HMGCS2: variants seen among roughly 807,000 people sequenced by gnomAD.
HMGCS2 encodes hydroxymethylglutaryl-CoA synthase, mitochondrial.
Under a neutral mutation model 57.4 loss-of-function variants are expected in HMGCS2, and 50 were observed. The ratio of observed to expected loss-of-function variants is 0.87; its 90% CI spans 0.69 to 1.10. The LOEUF (loss-of-function observed/expected upper bound fraction) is 1.10, where lower values mean the gene tolerates loss of function less well. HMGCS2 is among the 50% of genes least tolerant of loss of function. HMGCS2 has a pLI of 0.00. For synonymous variants in HMGCS2, 254 were observed against 245.1 expected (o/e 1.04, Z -0.34); for missense variants, 627 against 636.5 (o/e 0.99, Z 0.16).
chr1:119,764,084 G>A, intron 2 of HMGCS2, 88 bp downstream of exon 2: 1 of 1,120,814 alleles, frequency 8.9e-7, no homozygotes. Flanking sequence ...ACTAGATGAA[G>A]CCACCTGGGG....
At chr1:119,762,234 T>G (rs887451832) in intron 2 of HMGCS2, among the ~76,000 whole-genome samples, 3 of 152,162 alleles carry the variant, frequency 2.0e-5, no homozygotes, top group African/African-American at 7.2e-5. Flanking sequence ...CTCTAAGACC[T>G]AAGAGATGAG....
intron 1 of HMGCS2, among the ~76,000 whole-genome samples, chr1:119,766,535 C>T (rs2843019): frequency 0.4 from 60,820 of 152,116 alleles, 13,306 homozygotes; most frequent in South Asian, 0.56. Context: ...ATGATAAATA[C>T]ACATTATATC....
Position 119,755,588 on chromosome 1 carries a change from C to A in HMGCS2, c.1026G>T (p.Lys342Asn), listed in dbSNP as rs1652810178. ...YKGLEAFGGLKLEDTYTNKDL... is the reference protein window; with the variant it reads ...YKGLEAFGGLNLEDTYTNKDL... ...CCTTGTTGGTGTAGGTGTCTTCCAGCTTTAGCCCCCTGTGAGGTAGCCAGA... is the reference window on the plus strand; with the variant it reads ...CCTTGTTGGTGTAGGTGTCTTCCAGATTTAGCCCCCTGTGAGGTAGCCAGA... Residue 342 changes from lysine (K) to asparagine (N), a missense_variant, in exon 6 of 10, where the codon AAG becomes AAT. By Grantham distance (94) the Lys-to-Asn change is moderately conservative. Coordinates refer to ENST00000369406, the MANE Select transcript of HMGCS2 (RefSeq NM_005518.4). 1 of 1,613,954 alleles carries A rather than the reference C, an allele frequency of 6.2e-7. No homozygotes were observed. Among genetic ancestry groups the A allele is most frequent in the Non-Finnish European group, 8.5e-7 (1 of 1,180,000 alleles).
In HMGCS2 at chr1:119,750,815, C is replaced by G; in HGVS notation, c.1514G>C (p.Arg505Pro). The G allele has an allele frequency of 1.9e-6, 3 of 1,613,072 alleles. No homozygotes were observed. Among genetic ancestry groups the G allele is most frequent in the Non-Finnish European group, 2.5e-6 (3 of 1,179,174 alleles). ...VDEQHRRKYA[R>P]RPV The stretch of plus-strand genomic sequence containing the variant: ...CACTCACCACCTTTAGACGGGACGC[C>G]GGGCATACTTTCGGCGATGCTGCTC... The change falls in exon 9 of 10, where the codon CGG becomes CCG. Residue 505 changes from arginine to proline, a missense_variant. Arg to Pro is a moderately radical substitution (Grantham distance 103). Coordinates refer to ENST00000369406, the MANE Select transcript of HMGCS2 (RefSeq NM_005518.4).
At chr1:119,758,341 C>T (rs1652921726) in intron 4 of HMGCS2, among the ~76,000 whole-genome samples, 1 of 152,228 alleles carries the variant, frequency 6.6e-6, no homozygotes. Context: ...CAAGCAATTT[C>T]CCCCATCTCA....
chr1:119,757,596 G>A (rs587650020), intron 4 of HMGCS2, among the ~76,000 whole-genome samples, 158 bp from the exon 5 acceptor site: 2 of 152,258 alleles, frequency 1.3e-5, no homozygotes, highest in South Asian at 2.1e-4. Flanking sequence ...CATTTTACAT[G>A]CACTTACTAA....
At chr1:119,757,080 C>A (rs995087156) in intron 5 of HMGCS2, among the ~76,000 whole-genome samples, 193 bp downstream of exon 5, 26 of 152,168 alleles carry the variant, frequency 1.7e-4, no homozygotes, top group Non-Finnish European at 2.8e-4. Flanking sequence ...TGTTTCCCTG[C>A]AATAACTCAT....
At chr1:119,753,182 C>G (rs1652718631) in intron 7 of HMGCS2, 98 bp downstream of exon 7, 1 of 767,766 alleles carries the variant, frequency 1.3e-6, no homozygotes, top group East Asian at 2.5e-5. Context: ...AATAACGTAA[C>G]TCTGTCAAGA....
In HMGCS2 at chr1:119,759,145, T is replaced by C. The variant is rs1652948216; in HGVS notation, c.823A>G (p.Lys275Glu). 6.2e-7 allele frequency: 1 copy of C among 1,614,092 alleles called. No individual in the cohort carries two copies. The highest frequency in any genetic ancestry group is 1.1e-5 in the South Asian group (1 of 91,088). Residue 275 changes from lysine to glutamate, a missense_variant, in exon 4 of 10, where the codon AAA becomes GAA. By Grantham distance (56) the Lys-to-Glu change is moderately conservative. Transcript: ENST00000369406. ...TGCTTCCACTGATTCTGGATTTTTTTACGGTATGATGTGTAACATCGATCC... is the reference window on the plus strand; with the variant it reads ...TGCTTCCACTGATTCTGGATTTTTTCACGGTATGATGTGTAACATCGATCC... ...ALDRCYTSYR[K>E]KIQNQWKQAG...
chr1:119,759,866 C>T lies in HMGCS2; in HGVS notation c.683G>A (p.Arg228Gln), dbSNP rs760210450. ...IGPKAPLALE[R>Q]GLRGTHMENV... ...CTTGGTAATGGATTACTACAAACCT[C>T]GCTCCAGGGCCAGAGGGGCCTTGGG... is the stretch of plus-strand genomic sequence containing the variant. The change falls in exon 3 of 10, where the codon CGA becomes CAA. Residue 228 changes from arginine (R) to glutamine (Q), a missense_variant and splice_region_variant. Coordinates refer to ENST00000369406, the MANE Select transcript of HMGCS2 (RefSeq NM_005518.4). 5 of 1,614,084 alleles carry T rather than the reference C, an allele frequency of 3.1e-6. No individual in the cohort carries two copies. Among genetic ancestry groups the T allele is most frequent in the Non-Finnish European group, 4.2e-6 (5 of 1,179,986 alleles).
In HMGCS2 at chr1:119,748,288, A is replaced by C. The variant is rs1424762085; in HGVS notation, c.*559T>G. ...AGGGGACAGAGGCAGCCTGTGAGGCAAGGACCCAGCCCTCTGACCCACAAG... is the reference window on the plus strand; with the variant it reads ...AGGGGACAGAGGCAGCCTGTGAGGCCAGGACCCAGCCCTCTGACCCACAAG... On this transcript the variant is annotated 3_prime_UTR_variant, in exon 10 of 10. Transcript: ENST00000369406. The C allele has an allele frequency of 6.6e-6, 1 of 152,238 alleles. No individual in the cohort carries two copies. The highest frequency in any genetic ancestry group is 1.5e-5 in the Non-Finnish European group (1 of 68,040). 9.4% of individuals were successfully genotyped at this position (152,238 alleles called of 1,614,324 possible). A position where few individuals can be genotyped will look rare whatever the true frequency, so the allele number is the denominator to read the frequency against.
chr1:119,763,313 T>A (rs896500352), intron 2 of HMGCS2, among the ~76,000 whole-genome samples: 1 of 152,248 alleles, frequency 6.6e-6, no homozygotes, highest in Non-Finnish European at 1.5e-5. Flanking sequence ...TTATCATGGT[T>A]TCTAAGGTTT....
intron 8 of HMGCS2, among the ~76,000 whole-genome samples, chr1:119,751,517 C>A (rs587706880): frequency 6.6e-6 from 1 of 151,588 alleles, no homozygotes; most frequent in Admixed American, 6.6e-5. Flanking sequence ...TGTGTGCCAC[C>A]ACACTCGGCT....
chr1:119,768,691 G>GA lies in HMGCS2; in HGVS notation c.104+49dup, dbSNP rs748756327. 14 of 1,385,466 alleles carry GA rather than the reference G, an allele frequency of 1.0e-5. No individual in the cohort carries two copies. In the African/African-American group the frequency reaches 1.6e-4, roughly 15 times the overall value. The allele number at this position is 1,385,466 out of a possible 1,614,324, so 85.8% of individuals were successfully genotyped here. Reference sequence around the variant, plus strand: ...CTAGTGAGTTTTCCCCAATAGCAGGGAAAAACTATCTTTTACTAGTTACAA... The same window carrying GA: ...CTAGTGAGTTTTCCCCAATAGCAGGGAAAAAACTATCTTTTACTAGTTACAA... On this transcript the variant is annotated intron_variant, in intron 1 of 9. Coordinates refer to ENST00000369406, the MANE Select transcript of HMGCS2 (RefSeq NM_005518.4).
rs754218759 is a variant in HMGCS2, at chr1:119,752,564, G to T, written c.1405C>A (p.Gln469Lys). 2 of 1,613,892 alleles carry T rather than the reference G, an allele frequency of 1.2e-6. No individual in the cohort carries two copies. The highest frequency in any genetic ancestry group is 1.1e-5 in the South Asian group (1 of 91,068). The part of the protein sequence containing the change: ...EFTEIMNQRE[Q>K]FYHKVNFSPP... ...TTTTTCTTACCCTTATGGTAGAATT[G>T]CTCTCTTTGGTTCATTATTTCTGTG... The change falls in exon 8 of 10, where the codon CAA becomes AAA. Residue 469 changes from glutamine (Q) to lysine (K), a missense_variant. Transcript: ENST00000369406.
intron 3 of HMGCS2, among the ~76,000 whole-genome samples, chr1:119,759,576 C>T (rs927372492): frequency 6.6e-6 from 1 of 152,196 alleles, no homozygotes; most frequent in Non-Finnish European, 1.5e-5. Flanking sequence ...ATATTTTAAT[C>T]TTCAATTGCC....
intron 5 of HMGCS2, among the ~76,000 whole-genome samples, chr1:119,756,646 T>A (rs1412036565): frequency 6.6e-6 from 1 of 152,200 alleles, no homozygotes; most frequent in African/African-American, 2.4e-5. Context: ...AGTGTATTAG[T>A]GTAGTGAATC....
Position 119,759,916 on chromosome 1 carries a change from G to A in HMGCS2, c.633C>T (p.Ala211=), listed in dbSNP as rs370124069. Residue 211 remains alanine (A), a synonymous_variant, in exon 3 of 10, where the codon GCC becomes GCT. Coordinates refer to ENST00000369406, the MANE Select transcript of HMGCS2 (RefSeq NM_005518.4). The part of the protein sequence containing the change: ...PSGNARPTGG[A]GAVAMLIGPK... ...GCCCAATCAGCATAGCCACAGCTCC[G>A]GCCCCACCTGTGGGACGAGCATTAC... 17 of 1,614,124 alleles carry A rather than the reference G, an allele frequency of 1.1e-5. No homozygotes were observed. The highest frequency in any genetic ancestry group is 1.3e-5 in the Non-Finnish European group (15 of 1,179,988).
intron 1 of HMGCS2, among the ~76,000 whole-genome samples, chr1:119,766,830 G>A (rs758313784): frequency 1.3e-5 from 2 of 151,882 alleles, no homozygotes; most frequent in Non-Finnish European, 2.9e-5. Context: ...GTCTTGGTGG[G>A]GAGCTATTTC....
Sources: allele counts gnomAD v4.1 joint callset (sites outside exome capture counted in the v4.1 genomes callset), GRCh38; gene constraint gnomAD v4.1.1; transcripts MANE v1.5; gene names NCBI Gene and HGNC (gene_info 2026-07-23, HGNC 2026-07-21).